DCDC2: variants seen among roughly 807,000 people sequenced by gnomAD.
DCDC2 encodes doublecortin domain containing 2.
A neutral mutation model predicts 50.2 loss-of-function variants in DCDC2; 40 were observed. The ratio of observed to expected loss-of-function variants is 0.80; its 90% CI spans 0.62 to 1.04. The LOEUF (loss-of-function observed/expected upper bound fraction) is 1.04. DCDC2 is among the 50% of genes least tolerant of loss of function. The pLI is 0.00. For missense variants in DCDC2, 570 were observed against 581.9 expected (o/e 0.98, Z 0.21); for synonymous variants, 234 against 210.6 (o/e 1.11, Z -0.96).
chr6:24,275,419 A>AT (rs966712737), intron 7 of DCDC2, among the ~76,000 whole-genome samples: 2 of 152,024 alleles, frequency 1.3e-5, no homozygotes, highest in Non-Finnish European at 2.9e-5. Context: ...ATCCTTTTTC[A>AT]TTTTTCCTGG....
chr6:24,377,363 T>C, the DCDC2 span, among the ~76,000 whole-genome samples: 1 of 152,022 alleles, frequency 6.6e-6, no homozygotes, highest in Non-Finnish European at 1.5e-5. Flanking sequence ...GAGAGAGAAA[T>C]TAAGAAAAAA....
chr6:24,193,870 TAAATCCAGAATG>T (rs1203519694), intron 8 of DCDC2, among the ~76,000 whole-genome samples: 2 of 152,048 alleles, frequency 1.3e-5, no homozygotes, highest in African/African-American at 4.8e-5. Context: ...CAAAGCAAGA[TAAATCCAGAATG>T]TTAATAAATC....
intron 8 of DCDC2, among the ~76,000 whole-genome samples, chr6:24,190,173 T>C (rs559905040): frequency 6.6e-6 from 1 of 150,842 alleles, no homozygotes; most frequent in Admixed American, 6.6e-5. Context: ...AGAAGAAGAG[T>C]GAAGCTGTGG....
At position 24,357,804 on chromosome 6, in the gene DCDC2, G is replaced by T; in HGVS notation, c.-54C>A. 1.2e-6 allele frequency: 2 copies of T among 1,610,118 alleles called. No homozygotes were observed. The highest frequency in any genetic ancestry group is 1.7e-6 in the Non-Finnish European group (2 of 1,177,924). ...CTGCTTCGCGTCGGGAGGCACCTCC[G>T]CTGTCCCAGCGGCCTCACCGCACCC... On this transcript the variant is annotated 5_prime_UTR_variant, in exon 1 of 10. Coordinates refer to ENST00000378454, the MANE Select transcript of DCDC2 (RefSeq NM_016356.5).
chr6:24,207,797 C>T (rs1581586882), intron 7 of DCDC2, among the ~76,000 whole-genome samples: 1 of 152,286 alleles, frequency 6.6e-6, no homozygotes, highest in Non-Finnish European at 1.5e-5. Context: ...GTTGATTCCC[C>T]TCCTGCTGTA....
intron 7 of DCDC2, among the ~76,000 whole-genome samples, chr6:24,243,640 T>C (rs1038833336): frequency 1.3e-5 from 2 of 152,194 alleles, no homozygotes; most frequent in Non-Finnish European, 2.9e-5. Context: ...GCTGAGAGGC[T>C]AGTTTGGAAG....
intron 2 of DCDC2, among the ~76,000 whole-genome samples, chr6:24,316,205 C>T (rs190785602): frequency 6.6e-6 from 1 of 152,226 alleles, no homozygotes; most frequent in East Asian, 1.9e-4. Flanking sequence ...GGGCTAGAGA[C>T]ACAGATGTGG....
At chr6:24,181,120 T>A (rs1761062429) in intron 8 of DCDC2, among the ~76,000 whole-genome samples, 1 of 151,704 alleles carries the variant, frequency 6.6e-6, no homozygotes, top group South Asian at 2.1e-4. Flanking sequence ...TAGCGGAGAG[T>A]CCTAACTATC....
intron 4 of DCDC2, among the ~76,000 whole-genome samples, chr6:24,293,241 T>C (rs1763789024): frequency 6.6e-6 from 1 of 152,222 alleles, no homozygotes; most frequent in Admixed American, 6.5e-5. Context: ...ACTGAATAAA[T>C]TCTAATTCAT....
chr6:24,298,802 C>G (rs376131818), intron 4 of DCDC2, among the ~76,000 whole-genome samples: 2 of 152,104 alleles, frequency 1.3e-5, no homozygotes, highest in South Asian at 4.1e-4. Context: ...TCATAGACTT[C>G]CGGTGAAAAT....
intron 7 of DCDC2, among the ~76,000 whole-genome samples, chr6:24,211,758 C>T (rs913351016): frequency 3.9e-5 from 6 of 152,188 alleles, no homozygotes; most frequent in African/African-American, 1.4e-4. Context: ...CCAGAAGGAA[C>T]ACAGACCTGA....
intron 2 of DCDC2, among the ~76,000 whole-genome samples, chr6:24,315,307 CT>C (rs1167502354): frequency 1.5e-4 from 23 of 152,200 alleles, no homozygotes; most frequent in Admixed American, 2.6e-4. Context: ...CCAGCCTTTA[CT>C]GCAGTGGTTG....
At chr6:24,222,359 A>C (rs777766800) in intron 7 of DCDC2, among the ~76,000 whole-genome samples, 1 of 152,220 alleles carries the variant, frequency 6.6e-6, no homozygotes, top group Non-Finnish European at 1.5e-5. Flanking sequence ...TAAAAACTGC[A>C]AACTATTATT....
At chr6:24,330,647 T>A (rs77013075) in intron 2 of DCDC2, among the ~76,000 whole-genome samples, 1,968 of 152,272 alleles carry the variant, frequency 0.013, 34 homozygotes, top group African/African-American at 0.044. Context: ...TCAAGATTAG[T>A]ATGTTCACAC....
rs4052666 is a variant in DCDC2, at chr6:24,246,479, C to CTTTTTTTTT, written c.922+31561_922+31569dup. On this transcript the variant is annotated intron_variant, in intron 7 of 9. Coordinates refer to ENST00000378454, the MANE Select transcript of DCDC2 (RefSeq NM_016356.5). ...GATAAAGACAAGTCTTTTTCTTTTT[C>CTTTTTTTTT]TTTTTTTTTTTTTTTTTTTTTTTTT... 4.4e-3 allele frequency among the ~76,000 whole-genome samples: 308 copies of CTTTTTTTTT among 70,798 alleles called. 15 individuals are homozygous for CTTTTTTTTT. Among genetic ancestry groups the CTTTTTTTTT allele is most frequent in the East Asian group, 0.014 (28 of 2,058 alleles). The allele number at this position is 70,798 out of a possible 152,430, so 46.4% of individuals were successfully genotyped here.
At chr6:24,181,267 A>G (rs565737388) in intron 8 of DCDC2, among the ~76,000 whole-genome samples, 2 of 152,306 alleles carry the variant, frequency 1.3e-5, no homozygotes, top group East Asian at 3.9e-4. Context: ...GCTTGGTAAG[A>G]AGTTTCTGGT....
At chr6:24,251,841 A>G (rs1024609865) in intron 7 of DCDC2, among the ~76,000 whole-genome samples, 51 of 152,272 alleles carry the variant, frequency 3.3e-4, no homozygotes, top group Admixed American at 3.3e-3. Context: ...GACTCTTTCC[A>G]ATTATATTCT....
In DCDC2 at chr6:24,312,471, A is replaced by T. The variant is rs190397785; in HGVS notation, c.349-10427T>A. On this transcript the variant is annotated intron_variant, in intron 2 of 9. Coordinates refer to ENST00000378454, the MANE Select transcript of DCDC2 (RefSeq NM_016356.5). ...TTGTTATATAATAATATTTTTTTTT[A>T]AATTCCAATTGCACTAACCAGTGAG... is the stretch of plus-strand genomic sequence containing the variant. 4.0e-3 allele frequency among the ~76,000 whole-genome samples: 601 copies of T among 152,122 alleles called. 2 individuals are homozygous for T. Among genetic ancestry groups the T allele is most frequent in the African/African-American group, 0.012 (513 of 41,500 alleles).
At chr6:24,212,375 C>A (rs1485341009) in intron 7 of DCDC2, among the ~76,000 whole-genome samples, 1 of 152,110 alleles carries the variant, frequency 6.6e-6, no homozygotes, top group Non-Finnish European at 1.5e-5. Context: ...CTCCTCCTGC[C>A]AAAAAGACAG....
Sources: allele counts gnomAD v4.1 joint callset (sites outside exome capture counted in the v4.1 genomes callset), GRCh38; gene constraint gnomAD v4.1.1; transcripts MANE v1.5; gene names NCBI Gene and HGNC (gene_info 2026-07-23, HGNC 2026-07-21).